CCDC169: variants seen among roughly 807,000 people sequenced by gnomAD.
CCDC169 encodes coiled-coil domain-containing protein 169.
A neutral mutation model predicts 36.0 loss-of-function variants in CCDC169; 30 were observed. That is an observed-to-expected ratio of 0.83 (90% CI 0.62 to 1.13). The LOEUF (loss-of-function observed/expected upper bound fraction) is 1.13. Ranked by LOEUF, CCDC169 falls within the 50% of genes most tolerant of loss-of-function variation. The probability of loss-of-function intolerance (pLI) is 0.00; values close to 1 mark genes in which losing one functional copy is unlikely to be tolerated. For synonymous variants in CCDC169, 85 were observed against 81.5 expected (o/e 1.04, Z -0.23); for missense variants, 245 against 245.9 (o/e 1.00, Z 0.03).
At chr13:36,264,051 T>C (rs1229525834) in intron 4 of CCDC169, among the ~76,000 whole-genome samples, 1 of 152,178 alleles carries the variant, frequency 6.6e-6, no homozygotes, top group Admixed American at 6.6e-5. Context: ...ATAGTTTTAA[T>C]GGAAAATGTA....
At chr13:36,256,175 G>C (rs1310440802) in intron 4 of CCDC169, among the ~76,000 whole-genome samples, 1 of 151,516 alleles carries the variant, frequency 6.6e-6, no homozygotes, top group Non-Finnish European at 1.5e-5. Context: ...ATGCTGTGAA[G>C]TGTGAGGGAC....
chr13:36,231,242 G>A lies in CCDC169; in HGVS notation c.596C>T (p.Pro199Leu). The A allele has an allele frequency of 6.4e-7, 1 of 1,551,258 alleles. No homozygotes were observed. The highest frequency in any genetic ancestry group is 8.7e-7 in the Non-Finnish European group (1 of 1,146,798). The change falls in exon 8 of 8, where the codon CCA (proline) becomes CTA (leucine). Residue 199 changes from proline (P) to leucine (L), a missense_variant. Coordinates refer to ENST00000239859, the MANE Select transcript of CCDC169 (RefSeq NM_001144981.3). Reference sequence around the variant, plus strand: ...GTTTGGTCTTGTAATCTTTTTTACTGGTCCTCTCTTGGCACTCACTGTCTT... The same window carrying A: ...GTTTGGTCTTGTAATCTTTTTTACTAGTCCTCTCTTGGCACTCACTGTCTT... Reference protein sequence around the residue: ...KQKTVSAKRGPVKKITRPNHL... With the variant: ...KQKTVSAKRGLVKKITRPNHL...
intron 1 of CCDC169, among the ~76,000 whole-genome samples, chr13:36,296,846 C>T (rs933671434): frequency 1.3e-5 from 2 of 152,194 alleles, no homozygotes; most frequent in African/African-American, 4.8e-5. Context: ...GCTGAGAAAA[C>T]TGAGGATTAA....
Position 36,297,778 on chromosome 13 carries a change from T to A in CCDC169, c.-59A>T, listed in dbSNP as rs1879721876. On this transcript the variant is annotated 5_prime_UTR_variant, in exon 1 of 8. Coordinates refer to ENST00000239859, the MANE Select transcript of CCDC169 (RefSeq NM_001144981.3). ...CTCAGCACCTTAGAGCACAAGACAT[T>A]AAGGGCCACCCAGAAGCCAGTACGG... 6.7e-7 allele frequency: 1 copy of A among 1,481,764 alleles called. No individual in the cohort carries two copies. Among genetic ancestry groups the A allele is most frequent in the African/African-American group, 1.4e-5 (1 of 71,564 alleles). The allele number at this position is 1,481,764 out of a possible 1,614,324, so 91.8% of individuals were successfully genotyped here. A position where few individuals can be genotyped will look rare whatever the true frequency, so the allele number is the denominator to read the frequency against.
intron 4 of CCDC169, among the ~76,000 whole-genome samples, chr13:36,266,345 C>T (rs1221625800): frequency 6.6e-6 from 1 of 152,132 alleles, no homozygotes; most frequent in Non-Finnish European, 1.5e-5. Flanking sequence ...AGTGGGTACT[C>T]TTCTAGCCCT....
chr13:36,295,572 GA>G (rs1879382632), intron 2 of CCDC169, among the ~76,000 whole-genome samples: 1 of 152,072 alleles, frequency 6.6e-6, no homozygotes, highest in Non-Finnish European at 1.5e-5. Context: ...TTGAAAGGTA[GA>G]AAAATAATTA....
At chr13:36,290,466 C>T (rs1878741192) in intron 2 of CCDC169, among the ~76,000 whole-genome samples, 1 of 152,082 alleles carries the variant, frequency 6.6e-6, no homozygotes, top group South Asian at 2.1e-4. Flanking sequence ...TAATACTTTA[C>T]ATTTTTTTTT....
At chr13:36,291,034 T>C (rs974018589) in intron 2 of CCDC169, among the ~76,000 whole-genome samples, 11 of 151,304 alleles carry the variant, frequency 7.3e-5, no homozygotes, top group Non-Finnish European at 1.0e-4. Flanking sequence ...TGTATCCACC[T>C]CTTGGCCAAA....
intron 7 of CCDC169, among the ~76,000 whole-genome samples, chr13:36,241,910 C>T (rs1184331560): frequency 6.6e-6 from 1 of 152,004 alleles, no homozygotes; most frequent in East Asian, 1.9e-4. Context: ...TGGGGGCGGA[C>T]CTCCCCCTTA....
intron 7 of CCDC169, among the ~76,000 whole-genome samples, chr13:36,241,087 T>A (rs2148048): frequency 0.41 from 61,587 of 151,934 alleles, 13,253 homozygotes; most frequent in Non-Finnish European, 0.48. Context: ...GTTAATATTA[T>A]ATCAGGCACT....
intron 7 of CCDC169, among the ~76,000 whole-genome samples, chr13:36,241,478 T>C (rs1480450573): frequency 1.3e-5 from 2 of 152,252 alleles, no homozygotes; most frequent in Non-Finnish European, 2.9e-5. Context: ...CTTTGAACTT[T>C]AAATGAATGG....
intron 1 of CCDC169, among the ~76,000 whole-genome samples, 190 bp downstream of exon 1, chr13:36,297,447 A>C (rs1879662902): frequency 6.6e-6 from 1 of 152,186 alleles, no homozygotes; most frequent in South Asian, 2.1e-4. Context: ...ACTTAACAAT[A>C]CCAAAGGCTT....
chr13:36,269,106 A>AT (rs1054153830), intron 4 of CCDC169, among the ~76,000 whole-genome samples: 14 of 138,988 alleles, frequency 1.0e-4, no homozygotes, highest in African/African-American at 3.3e-4. Flanking sequence ...TCCAACTCAA[A>AT]TAAAAAAAAA....
intron 2 of CCDC169, among the ~76,000 whole-genome samples, chr13:36,293,557 G>C (rs1879152188): frequency 6.6e-6 from 1 of 152,144 alleles, no homozygotes; most frequent in Non-Finnish European, 1.5e-5. Flanking sequence ...AGTAGCCCTT[G>C]ACTGGCCTGG....
chr13:36,293,718 A>G (rs1296530661), intron 2 of CCDC169, among the ~76,000 whole-genome samples: 1 of 152,210 alleles, frequency 6.6e-6, no homozygotes. Context: ...GTCAGATGTT[A>G]GCCATGTGAA....
intron 2 of CCDC169, among the ~76,000 whole-genome samples, chr13:36,288,599 C>T (rs9566048): frequency 3.9e-5 from 6 of 152,070 alleles, no homozygotes; most frequent in Admixed American, 3.9e-4. Context: ...TCCAGAAAAT[C>T]CTAACATCTG....
intron 4 of CCDC169, chr13:36,283,211 T>G: frequency 2.2e-6 from 1 of 462,362 alleles, no homozygotes; most frequent in South Asian, 4.1e-5. Context: ...TATATCTTTC[T>G]CTGAAGGTTG....
intron 4 of CCDC169, among the ~76,000 whole-genome samples, chr13:36,269,701 A>G (rs1478917706): frequency 6.6e-6 from 1 of 152,244 alleles, no homozygotes; most frequent in Non-Finnish European, 1.5e-5. Context: ...AGATGCAGAA[A>G]AAGCACTGGA....
At chr13:36,252,254 G>T (rs915434207) in intron 6 of CCDC169, among the ~76,000 whole-genome samples, 1 of 152,176 alleles carries the variant, frequency 6.6e-6, no homozygotes, top group Non-Finnish European at 1.5e-5. Flanking sequence ...CAGTATCAAG[G>T]AACATGAAGT....
Sources: gnomAD v4.1 joint callset for allele counts (sites outside exome capture counted in the v4.1 genomes callset) on GRCh38, gnomAD v4.1.1 for gene constraint, MANE v1.5 for transcripts, NCBI Gene and HGNC (gene_info 2026-07-23, HGNC 2026-07-21) for gene names.